Variants in KLHL10 observed in about 807,000 individuals in gnomAD.
KLHL10 encodes kelch-like protein 10.
In KLHL10, 11 loss-of-function variants were observed where a neutral mutation model predicts 46.6. The observed-to-expected ratio is 0.24, with a 90% CI of 0.15 to 0.39. The LOEUF (loss-of-function observed/expected upper bound fraction) is 0.39. Among genes scored for constraint, KLHL10 ranks in the 10% least tolerant of loss-of-function variants. The pLI is 1.00. For missense variants in KLHL10, 475 were observed against 789.8 expected, an observed-to-expected ratio of 0.60 and a Z score of 4.78; for synonymous variants, 254 against 279.1, an observed-to-expected ratio of 0.91 and a Z score of 0.90.
chr17:41,845,859 C>A, intron 3 of KLHL10, 116 bp downstream of exon 3: 2 of 1,289,060 alleles, frequency 1.6e-6, no homozygotes, highest in South Asian at 1.3e-5. Context: ...TTGGAGTACT[C>A]ATTCTTTCTT....
At chr17:41,844,574 A>C (rs1555621086) in intron 2 of KLHL10, among the ~76,000 whole-genome samples, 2 of 109,036 alleles carry the variant, frequency 1.8e-5, no homozygotes, top group African/African-American at 3.9e-5. Flanking sequence ...TTTGAGACGG[A>C]GTCTTGCTCT....
chr17:41,845,833 A>G (rs782325830), intron 3 of KLHL10, 90 bp downstream of exon 3: 2 of 1,512,798 alleles, frequency 1.3e-6, no homozygotes, highest in Non-Finnish European at 1.8e-6. Flanking sequence ...TGGAAGACGC[A>G]GTGGCAGTAT....
upstream of KLHL10, chr17:41,836,201 G>T: frequency 8.0e-7 from 1 of 1,247,974 alleles, no homozygotes; most frequent in South Asian, 3.7e-5. Context: ...CATCCCGTTC[G>T]AGGCCTGGTC....
intron 3 of KLHL10, among the ~76,000 whole-genome samples, chr17:41,846,043 CT>C (rs2048281570): frequency 6.6e-6 from 1 of 151,820 alleles, no homozygotes; most frequent in Non-Finnish European, 1.5e-5. Flanking sequence ...AACCCTGTCT[CT>C]ACTAAAAATA....
intron 1 of KLHL10, among the ~76,000 whole-genome samples, chr17:41,839,835 C>T (rs1252602270): frequency 6.6e-6 from 1 of 152,186 alleles, no homozygotes; most frequent in Admixed American, 6.5e-5. Flanking sequence ...GCCTCAGCCT[C>T]CCGAATATCT....
chr17:41,840,380 A>G (rs1444252478), intron 1 of KLHL10, among the ~76,000 whole-genome samples: 2 of 152,168 alleles, frequency 1.3e-5, no homozygotes, highest in Admixed American at 1.3e-4. Flanking sequence ...CTGGAATCCC[A>G]ATAATTTGGG....
chr17:41,836,283 G>T, upstream of KLHL10: 1 of 1,231,644 alleles, frequency 8.1e-7, no homozygotes, highest in Non-Finnish European at 1.0e-6. Context: ...GAGCCCGGGC[G>T]GGGGTTGGTG....
At position 41,848,354 on chromosome 17, in the gene KLHL10, C is replaced by A; in HGVS notation, c.*47C>A. On this transcript the variant is annotated 3_prime_UTR_variant, in exon 5 of 5. Transcript: ENST00000293303. Reference sequence around the variant, plus strand: ...AAAGTCTAAGCAATAAGAATTAATTCTTTTTTTAAAAAAATGCAGTGTTTA... The same window carrying A: ...AAAGTCTAAGCAATAAGAATTAATTATTTTTTTAAAAAAATGCAGTGTTTA... 3 of 1,579,292 alleles carry A rather than the reference C, an allele frequency of 1.9e-6. No individual in the cohort carries two copies. The highest frequency in any genetic ancestry group is 1.7e-6 in the Non-Finnish European group (2 of 1,168,308).
chr17:41,847,568 G>A (rs980914431), intron 4 of KLHL10, among the ~76,000 whole-genome samples, 158 bp downstream of exon 4: 5 of 151,714 alleles, frequency 3.3e-5, no homozygotes, highest in African/African-American at 9.7e-5. Flanking sequence ...TGCAGTGGCA[G>A]GATCTCGGCT....
upstream of KLHL10, chr17:41,837,782 T>C (rs961719771): frequency 6.0e-5 from 89 of 1,478,500 alleles, no homozygotes; most frequent in Non-Finnish European, 7.1e-5. Flanking sequence ...GTGATCTCAC[T>C]GCAGGGCCAG....
intron 3 of KLHL10, among the ~76,000 whole-genome samples, 199 bp from the exon 4 acceptor site, chr17:41,847,062 G>C (rs1452319859): frequency 1.3e-5 from 2 of 152,000 alleles, no homozygotes; most frequent in African/African-American, 4.8e-5. Context: ...GAGCAGAGAT[G>C]GTGCAAATGG....
Position 41,845,479 on chromosome 17 carries a change from G to A in KLHL10, c.1038G>A (p.Gly346=), listed in dbSNP as rs1555621264. 6.2e-7 allele frequency: 1 copy of A among 1,614,212 alleles called. No homozygotes were observed. Among genetic ancestry groups the A allele is most frequent in the East Asian group, 2.2e-5 (1 of 44,894 alleles). The change falls in exon 3 of 5, where the codon GGG becomes GGA. Residue 346 remains glycine, a synonymous_variant. Transcript: ENST00000293303. ...YLKGYVYIIG[G]FDSVDYFNSV... Reference sequence around the variant, plus strand: ...AAGGCTATGTGTATATCATTGGGGGGTTTGATAGTGTAGACTATTTCAATA... The same window carrying A: ...AAGGCTATGTGTATATCATTGGGGGATTTGATAGTGTAGACTATTTCAATA...
rs549517893 is a variant in KLHL10 at position 41,841,862 on chromosome 17, G to A, written c.234G>A (p.Lys78=). The A allele has an allele frequency of 1.3e-5, 21 of 1,614,156 alleles. No individual in the cohort carries two copies. The highest frequency in any genetic ancestry group is 4.0e-5 in the African/African-American group (3 of 75,040). Residue 78 remains lysine, a synonymous_variant, in exon 2 of 5, where the codon AAG becomes AAA. Coordinates refer to ENST00000293303, the MANE Select transcript of KLHL10 (RefSeq NM_152467.5). The part of the protein sequence containing the change: ...FTSGWNNTEK[K]VYNIPGISPD... ...GTGGCTGGAACAACACTGAAAAGAA[G>A]GTATACAACATCCCTGGCATTTCTC... is the stretch of plus-strand genomic sequence containing the variant.
intron 4 of KLHL10, 60 bp downstream of exon 4, chr17:41,847,470 G>C: frequency 6.4e-7 from 1 of 1,564,296 alleles, no homozygotes; most frequent in Non-Finnish European, 8.8e-7. Context: ...TTTTGTATTA[G>C]TAAATGGGTT....
intron 4 of KLHL10, 109 bp from the exon 5 acceptor site, chr17:41,847,824 A>C: frequency 6.9e-7 from 1 of 1,458,738 alleles, no homozygotes; most frequent in Non-Finnish European, 9.6e-7. Context: ...TTTTTCATGG[A>C]AGATAATGGA....
chr17:41,836,679 C>T (rs570322268), upstream of KLHL10, among the ~76,000 whole-genome samples: 2 of 152,074 alleles, frequency 1.3e-5, no homozygotes, highest in African/African-American at 4.8e-5. Flanking sequence ...AAAAATTAGC[C>T]GGGCATGGTG....
upstream of KLHL10, chr17:41,837,542 G>A (rs868946223): frequency 2.0e-5 from 21 of 1,038,008 alleles, no homozygotes; most frequent in Non-Finnish European, 2.3e-5. Flanking sequence ...CCAAGTGTTG[G>A]GCTGTGGAAG....
upstream of KLHL10, chr17:41,836,032 C>A: frequency 1.4e-6 from 2 of 1,442,528 alleles, no homozygotes; most frequent in South Asian, 2.9e-5. Context: ...CTCGCTCGGG[C>A]GCGCGTGTGA....
chr17:41,838,359 T>TC (rs2048191080), intron 1 of KLHL10, among the ~76,000 whole-genome samples: 1 of 152,024 alleles, frequency 6.6e-6, no homozygotes, highest in African/African-American at 2.4e-5. Flanking sequence ...ACTGCTGGGC[T>TC]CAAACAATCC....
Sources: gnomAD v4.1 joint callset for allele counts (sites outside exome capture counted in the v4.1 genomes callset) on GRCh38, gnomAD v4.1.1 for gene constraint, MANE v1.5 for transcripts, NCBI Gene and HGNC (gene_info 2026-07-23, HGNC 2026-07-21) for gene names.